The following KLF8 variants were observed in gnomAD, a reference collection of about 807,000 sequenced individuals.
The protein encoded by KLF8 is KLF transcription factor 8, also known as Krueppel-like factor 8.
Under a neutral mutation model 18.2 loss-of-function variants are expected in KLF8, and 10 were observed. The observed-to-expected ratio is 0.55, with a 90% CI of 0.34 to 0.93. The LOEUF (loss-of-function observed/expected upper bound fraction) is 0.93, where lower values mean the gene tolerates loss of function less well. Ranked by LOEUF, KLF8 falls within the 40% of genes least tolerant of loss-of-function variation. KLF8 has a pLI of 0.02. For missense variants in KLF8, 264 were observed against 277.9 expected, an observed-to-expected ratio of 0.95 and a Z score of 0.36; for synonymous variants, 109 against 97.3, an observed-to-expected ratio of 1.12 and a Z score of -0.71.
At chrX:56,171,700 A>G in the KLF8 span, among the ~76,000 whole-genome samples, 1 of 111,173 alleles carries the variant, frequency 9.0e-6, no homozygotes. Context: ...AAGGACATGA[A>G]CTCATCCTTT....
At chrX:56,077,845 A>C in the KLF8 span, among the ~76,000 whole-genome samples, 1 of 111,365 alleles carries the variant, frequency 9.0e-6, no homozygotes, top group Non-Finnish European at 1.9e-5. Context: ...TTCTCCTTGT[A>C]GAGGTCCTTC....
the KLF8 span, among the ~76,000 whole-genome samples, chrX:56,052,553 G>C: frequency 2.0e-4 from 22 of 111,787 alleles, no homozygotes; most frequent in African/African-American, 1.3e-4. Context: ...TGCCCCTGCT[G>C]GGGGGTGCGT....
chrX:56,048,356 G>T, the KLF8 span, among the ~76,000 whole-genome samples: 53 of 111,870 alleles, frequency 4.7e-4, no homozygotes, highest in African/African-American at 1.6e-3. Context: ...TCTATGTCCT[G>T]AATGGTATTG....
chrX:56,017,581 C>G, the KLF8 span, among the ~76,000 whole-genome samples: 1 of 111,864 alleles, frequency 8.9e-6, no homozygotes, highest in Non-Finnish European at 1.9e-5. Flanking sequence ...CAAGTATTCC[C>G]CCAGTGCACT....
chrX:56,000,161 T>A, the KLF8 span, among the ~76,000 whole-genome samples: 2 of 111,404 alleles, frequency 1.8e-5, no homozygotes, highest in African/African-American at 6.5e-5. Flanking sequence ...CTTCGATGTG[T>A]GGAAACATCC....
the KLF8 span, among the ~76,000 whole-genome samples, chrX:56,151,391 A>C: frequency 8.9e-6 from 1 of 111,925 alleles, no homozygotes; most frequent in Non-Finnish European, 1.9e-5. Flanking sequence ...GCAAGTACAG[A>C]CAAGAGTATA....
At chrX:56,184,055 G>A in the KLF8 span, among the ~76,000 whole-genome samples, 18 of 112,403 alleles carry the variant, frequency 1.6e-4, no homozygotes, top group South Asian at 1.5e-3. Context: ...TGCACGAGTC[G>A]AAGCAGAGTG....
chrX:56,208,711 A>G, the KLF8 span, among the ~76,000 whole-genome samples: 1 of 111,492 alleles, frequency 9.0e-6, no homozygotes, highest in African/African-American at 3.3e-5. Context: ...TAAATTTTTC[A>G]TTGATTCACT....
the KLF8 span, among the ~76,000 whole-genome samples, chrX:56,113,903 G>A: frequency 9.0e-6 from 1 of 111,138 alleles, no homozygotes; most frequent in Admixed American, 9.5e-5. Flanking sequence ...AAGCAGGTGA[G>A]CTGTGCTGGG....
chrX:56,145,227 C>A, the KLF8 span, among the ~76,000 whole-genome samples: 91 of 112,087 alleles, frequency 8.1e-4, no homozygotes, highest in Middle Eastern at 9.2e-3. Context: ...AGATGCTCAA[C>A]ATCACTAGGC....
the KLF8 span, among the ~76,000 whole-genome samples, chrX:56,040,699 C>T: frequency 3.8e-5 from 4 of 105,197 alleles, no homozygotes; most frequent in African/African-American, 6.8e-5. Context: ...TGTATCTCTT[C>T]CAGGTTTTGT....
chrX:55,939,403 A>C, the KLF8 span, among the ~76,000 whole-genome samples: 3 of 111,770 alleles, frequency 2.7e-5, no homozygotes, highest in Admixed American at 2.9e-4. Flanking sequence ...TTATAGCACT[A>C]AATGCCCATA....
the KLF8 span, among the ~76,000 whole-genome samples, chrX:56,227,207 G>A: frequency 8.9e-6 from 1 of 112,085 alleles, no homozygotes. Context: ...AGGATGATAA[G>A]CATGAGCTTG....
chrX:56,267,239 G>A (rs919286666), intron 3 of KLF8: 3 of 733,122 alleles, frequency 4.1e-6, no homozygotes, highest in Non-Finnish European at 4.8e-6. Context: ...GTATTAGTTC[G>A]TTTTCATGCT....
At position 56,250,278 on chromosome X, in the gene KLF8, G is replaced by A; in HGVS notation, c.55G>A (p.Gly19Ser). 1.7e-6 allele frequency: 2 copies of A among 1,207,345 alleles called. No homozygotes were observed. The highest frequency in any genetic ancestry group is 2.2e-6 in the Non-Finnish European group (2 of 891,602). ...NNLEVQLNSE[G>S]GSMQVFKQVT... The stretch of plus-strand genomic sequence containing the variant: ...CTTGGAGGTCCAACTTAATTCAGAA[G>A]GTGGCTCAATGCAGGTATTCAAGCA... The change falls in exon 2 of 6, where the codon GGT becomes AGT. Residue 19 changes from glycine (G) to serine (S), a missense_variant. Gly to Ser is a moderately conservative substitution (Grantham distance 56). Around this residue, in one of 2 missense-constraint regions of KLF8, gnomAD observed 221 missense variants for 193.6 expected, o/e 1.14. Coordinates refer to ENST00000468660, the MANE Select transcript of KLF8 (RefSeq NM_007250.5).
At chrX:56,055,959 CT>C in the KLF8 span, among the ~76,000 whole-genome samples, 11 of 111,455 alleles carry the variant, frequency 9.9e-5, no homozygotes, top group East Asian at 1.1e-3. Flanking sequence ...TCTTTCAGCT[CT>C]TATATTATTT....
the KLF8 span, among the ~76,000 whole-genome samples, chrX:55,970,692 C>A: frequency 2.7e-5 from 3 of 111,484 alleles, no homozygotes; most frequent in Non-Finnish European, 5.7e-5. Flanking sequence ...AAAACTATTA[C>A]AATGGGTAAA....
At chrX:56,177,541 C>G in the KLF8 span, among the ~76,000 whole-genome samples, 1 of 111,009 alleles carries the variant, frequency 9.0e-6, no homozygotes, top group African/African-American at 3.3e-5. Flanking sequence ...TTAGGCTACT[C>G]GGGGGTCAGG....
the KLF8 span, among the ~76,000 whole-genome samples, chrX:56,080,566 C>T: frequency 1.8e-5 from 2 of 111,470 alleles, no homozygotes; most frequent in African/African-American, 3.3e-5. Flanking sequence ...ACCTTTCTCT[C>T]TGGCTGCCCT....
Sources: allele counts gnomAD v4.1 joint callset (sites outside exome capture counted in the v4.1 genomes callset), GRCh38; gene constraint gnomAD v4.1.1; regional missense constraint gnomAD v4.1.1; transcripts MANE v1.5; gene names NCBI Gene and HGNC (gene_info 2026-07-23, HGNC 2026-07-21).